HSH2D: variants seen among roughly 807,000 people sequenced by gnomAD.
The protein encoded by HSH2D is hematopoietic SH2 domain-containing protein.
A neutral mutation model predicts 21.5 loss-of-function variants in HSH2D; 16 were observed. That is an observed-to-expected ratio of 0.74 (90% CI 0.50 to 1.13). HSH2D has a LOEUF of 1.13. Ranked by LOEUF, HSH2D falls within the 50% of genes most tolerant of loss-of-function variation. The pLI, the probability that HSH2D is intolerant of heterozygous loss-of-function variation, is 0.00. For missense variants in HSH2D, 418 were observed against 441.4 expected (o/e 0.95, Z 0.47); for synonymous variants, 172 against 184.7 (o/e 0.93, Z 0.56).
At position 16,148,862 on chromosome 19, in the gene HSH2D, G is replaced by T. The variant is rs1054607199; in HGVS notation, c.112G>T (p.Ala38Ser). Reference protein sequence around the residue: ...QDGVPEWFHGAISREDAENLL... With the variant: ...QDGVPEWFHGSISREDAENLL... ...CGGGGTCCCCGAGTGGTTCCATGGT[G>T]CAATCTCAAGAGAGTGAGGACACAC... Residue 38 changes from alanine to serine, a missense_variant, in exon 2 of 6, where the codon GCA becomes TCA. Coordinates refer to ENST00000613986, the MANE Select transcript of HSH2D (RefSeq NM_001382417.1). The T allele has an allele frequency of 6.2e-7, 1 of 1,612,812 alleles. No homozygotes were observed. The highest frequency in any genetic ancestry group is 8.5e-7 in the Non-Finnish European group (1 of 1,179,350).
chr19:16,153,295 C>T (rs2091189543), intron 4 of HSH2D, 87 bp downstream of exon 4: 2 of 1,251,760 alleles, frequency 1.6e-6, no homozygotes, highest in Admixed American at 5.8e-5. Flanking sequence ...CCCATCAGCT[C>T]CTCTTGATTC....
chr19:16,152,781 C>A, intron 3 of HSH2D, 140 bp downstream of exon 3: 1 of 776,940 alleles, frequency 1.3e-6, no homozygotes, highest in East Asian at 2.7e-5. Flanking sequence ...GAGCTGCTAG[C>A]CAAGCAATGA....
At chr19:16,150,539 C>CAA (rs879410378) in intron 2 of HSH2D, among the ~76,000 whole-genome samples, 2,477 of 137,990 alleles carry the variant, frequency 0.018, 63 homozygotes, top group African/African-American at 0.062. Flanking sequence ...AACTCCGTCT[C>CAA]AAAAAAAAAA....
At chr19:16,149,649 C>T (rs1214245215) in intron 2 of HSH2D, among the ~76,000 whole-genome samples, 3 of 150,442 alleles carry the variant, frequency 2.0e-5, no homozygotes, top group South Asian at 2.1e-4. Context: ...TGTAGTGGCG[C>T]GATCTCGGCT....
Position 16,154,267 on chromosome 19 carries a change from C to T in HSH2D, c.382-132C>T, listed in dbSNP as rs542062378. 32 of 565,376 alleles carry T rather than the reference C, an allele frequency of 5.7e-5. No individual in the cohort carries two copies. The South Asian group carries it at 6.4e-4, about 11-fold the overall frequency. The allele number at this position is 565,376 out of a possible 1,614,324, so 35.0% of individuals were successfully genotyped here. On this transcript the variant is annotated intron_variant, in intron 4 of 5. Transcript: ENST00000613986. Reference sequence around the variant, plus strand: ...GTGGGTGGGGCATATTTTCTTATAACGCTTAGTGGGCGTGGCCTAGGTACT... The same window carrying T: ...GTGGGTGGGGCATATTTTCTTATAATGCTTAGTGGGCGTGGCCTAGGTACT...
intron 1 of HSH2D, 131 bp downstream of exon 1, chr19:16,143,905 G>A (rs915814032): frequency 1.5e-5 from 4 of 265,822 alleles, no homozygotes; most frequent in South Asian, 5.3e-5. Flanking sequence ...GGAGAGCTTC[G>A]TGGAGGAGGG....
intron 1 of HSH2D, among the ~76,000 whole-genome samples, chr19:16,145,037 G>GT (rs34993884): frequency 0.011 from 1,255 of 119,440 alleles, 31 homozygotes; most frequent in African/African-American, 0.027. Flanking sequence ...TTTTTTTGGG[G>GT]TTTTTTTTTT....
At chr19:16,141,218 G>A (rs1018853372), upstream of HSH2D, among the ~76,000 whole-genome samples, 2 of 152,218 alleles carry the variant, frequency 1.3e-5, no homozygotes, top group Admixed American at 1.3e-4. Context: ...AGGGCTCCAC[G>A]TGTCTCCTGC....
At chr19:16,144,308 A>T (rs1383355376) in intron 1 of HSH2D, among the ~76,000 whole-genome samples, 3 of 151,686 alleles carry the variant, frequency 2.0e-5, no homozygotes, top group African/African-American at 7.3e-5. Context: ...TGGACCAGAG[A>T]GAGGAACAGG....
chr19:16,147,831 G>C (rs2091093892), intron 1 of HSH2D, among the ~76,000 whole-genome samples: 2 of 151,982 alleles, frequency 1.3e-5, no homozygotes, highest in South Asian at 4.1e-4. Flanking sequence ...TTTTTGTAGT[G>C]ACAGGGTTTC....
chr19:16,139,031 T>G (rs887195104), upstream of HSH2D, among the ~76,000 whole-genome samples: 5 of 152,212 alleles, frequency 3.3e-5, no homozygotes, highest in Admixed American at 3.3e-4. Context: ...CTAATTTTTG[T>G]GTTTTTAGTA....
At position 16,148,836 on chromosome 19, in the gene HSH2D, A is replaced by ACT; in HGVS notation, c.87_88insTC (p.Gly30SerfsTer54). 3 of 1,613,594 alleles carry ACT rather than the reference A, an allele frequency of 1.9e-6. 1 individual carries two copies. Among genetic ancestry groups the ACT allele is most frequent in the Non-Finnish European group, 2.5e-6 (3 of 1,179,736 alleles). ...ACCCAGATGGGCCAGCTGGCCCAAG[A>ACT]CGGGGTCCCCGAGTGGTTCCATGGT... On this transcript the variant is annotated frameshift_variant, in exon 2 of 6. Transcript: ENST00000613986. LOFTEE classifies it high-confidence loss of function.
chr19:16,152,108 CAAAA>C (rs35744412), intron 2 of HSH2D, among the ~76,000 whole-genome samples: 1 of 89,124 alleles, frequency 1.1e-5, no homozygotes, highest in African/African-American at 4.7e-5. Flanking sequence ...TCTGTCTCAA[CAAAA>C]AAAAAAAAAA....
chr19:16,148,896 T>G (rs536063187), intron 2 of HSH2D, 21 bp downstream of exon 2: 13 of 1,592,488 alleles, frequency 8.2e-6, no homozygotes, highest in Non-Finnish European at 9.4e-6. Flanking sequence ...ACCCACACCC[T>G]CCACCCTGCC....
At chr19:16,134,913 G>A (rs2090950555) in intron 1 of HSH2D, among the ~76,000 whole-genome samples, 2 of 149,768 alleles carry the variant, frequency 1.3e-5, no homozygotes, top group South Asian at 4.2e-4. Context: ...CTTGAGGCCA[G>A]TTCAAGTTAA....
upstream of HSH2D, among the ~76,000 whole-genome samples, chr19:16,139,487 C>A (rs771391626): frequency 6.6e-6 from 1 of 152,074 alleles, no homozygotes; most frequent in Admixed American, 6.6e-5. Flanking sequence ...GAGGCTGAGG[C>A]GGGAGGATCA....
Position 16,157,536 on chromosome 19 carries a change from T to A in HSH2D, c.801T>A (p.Asp267Glu). The A allele has an allele frequency of 6.2e-7, 1 of 1,613,728 alleles. No homozygotes were observed. Among genetic ancestry groups the A allele is most frequent in the Non-Finnish European group, 8.5e-7 (1 of 1,179,792 alleles). Residue 267 changes from aspartate (D) to glutamate (E), a missense_variant, in exon 6 of 6, where the codon GAT becomes GAA. Transcript: ENST00000613986. This position sits in a 1 kb window ranked among gnomAD's most constrained non-coding sequence, Gnocchi z 4.4. ...CCTCGGGGGACAGAGGCTACACGGA[T>A]CCCTGTGTGGCCACATCTCTCAAAA... Reference protein sequence around the residue: ...DPTSGDRGYTDPCVATSLKSP... With the variant: ...DPTSGDRGYTEPCVATSLKSP...
chr19:16,157,255 C>A lies in HSH2D; in HGVS notation c.520C>A (p.Pro174Thr). ...VLCHQSKERKPSAEMNRITTK... is the reference protein window; with the variant it reads ...VLCHQSKERKTSAEMNRITTK... ...GTGTCACCAATCAAAGGAAAGGAAG[C>A]CGTCAGCAGAGATGAACAGAATAAC... The change falls in exon 6 of 6, where the codon CCG becomes ACG. Residue 174 changes from proline to threonine, a missense_variant. Pro to Thr is a conservative substitution (Grantham distance 38). Coordinates refer to ENST00000613986, the MANE Select transcript of HSH2D (RefSeq NM_001382417.1). This position sits in a 1 kb window ranked among gnomAD's most constrained non-coding sequence, Gnocchi z 4.4. 1 of 1,581,956 alleles carries A rather than the reference C, an allele frequency of 6.3e-7. No homozygotes were observed. The highest frequency in any genetic ancestry group is 8.6e-7 in the Non-Finnish European group (1 of 1,167,006).
intron 1 of HSH2D, among the ~76,000 whole-genome samples, chr19:16,138,211 C>T (rs1189934741): frequency 3.9e-5 from 6 of 152,104 alleles, no homozygotes; most frequent in Non-Finnish European, 8.8e-5. Context: ...ACTAGGTGGC[C>T]TTTGTGTCTG....
Sources: gnomAD v4.1 joint callset for allele counts (sites outside exome capture counted in the v4.1 genomes callset) on GRCh38, gnomAD v4.1.1 for gene constraint, Gnocchi (gnomAD v3.1) non-coding constraint, MANE v1.5 for transcripts, NCBI Gene and HGNC (gene_info 2026-07-23, HGNC 2026-07-21) for gene names.